Variants in PEAK1 observed in about 807,000 individuals in gnomAD.
PEAK1 encodes inactive tyrosine-protein kinase PEAK1.
PEAK1 carries 54 observed loss-of-function variants against 124.7 expected under a neutral mutation model. That is an observed-to-expected ratio of 0.43 (90% CI 0.35 to 0.54). The LOEUF is 0.54. Ranked by LOEUF, PEAK1 falls within the 20% of genes least tolerant of loss-of-function variation. PEAK1 has a pLI of 0.01. For missense variants in PEAK1, 2,046 were observed against 2,134.5 expected, an observed-to-expected ratio of 0.96 and a Z score of 0.82; for synonymous variants, 719 against 760.0, an observed-to-expected ratio of 0.95 and a Z score of 0.89.
intron 1 of PEAK1, chr15:77,419,582 G>A (rs1305681780): frequency 3.0e-6 from 3 of 985,080 alleles, no homozygotes; most frequent in Admixed American, 6.2e-5. Flanking sequence ...GACCCGGCAG[G>A]AGCCAGAGAA....
chr15:77,383,019 C>CTTTT (rs752564656), intron 1 of PEAK1, among the ~76,000 whole-genome samples: 24 of 130,408 alleles, frequency 1.8e-4, no homozygotes, highest in African/African-American at 3.5e-4. Context: ...TTTGTATCTC[C>CTTTT]TTTTTTTTTT....
intron 2 of PEAK1, chr15:77,336,230 C>CAAAT: frequency 1.0e-6 from 1 of 985,314 alleles, no homozygotes. Context: ...GTTTGCATTC[C>CAAAT]AAGAACCACA....
At chr15:77,370,767 C>G in intron 1 of PEAK1, 1 of 982,846 alleles carries the variant, frequency 1.0e-6, no homozygotes, top group Non-Finnish European at 1.2e-6. Flanking sequence ...CACGGTGACT[C>G]ATGCCTGTAA....
intron 6 of PEAK1, among the ~76,000 whole-genome samples, chr15:77,196,255 C>A (rs888329582): frequency 1.3e-5 from 2 of 152,152 alleles, no homozygotes; most frequent in South Asian, 2.1e-4. Context: ...CAATCCTGCA[C>A]GACAGGTTGC....
intron 4 of PEAK1, among the ~76,000 whole-genome samples, chr15:77,284,283 C>T (rs1241483983): frequency 6.6e-6 from 1 of 152,184 alleles, no homozygotes; most frequent in Non-Finnish European, 1.5e-5. Flanking sequence ...ATGAAGTGAT[C>T]TCTAAAGACT....
chr15:77,181,420 T>C lies in PEAK1; in HGVS notation c.507A>G (p.Glu169=). 6.2e-7 allele frequency: 1 copy of C among 1,614,190 alleles called. No individual in the cohort carries two copies. Among genetic ancestry groups the C allele is most frequent in the African/African-American group, 1.3e-5 (1 of 75,056 alleles). ...CCAAGAATGTTTCTCTGGAGTTTGT[T>C]TCATTTCCTCTTATCTGAGGGGCAG... ...LDTAPQIRGN[E]TNSRETFLGR... is the part of the protein sequence containing the mutation. Residue 169 remains glutamate, a synonymous_variant, in exon 7 of 10, where the codon GAA becomes GAG. Transcript: ENST00000682557.
intron 9 of PEAK1, among the ~76,000 whole-genome samples, chr15:77,123,971 C>T (rs976345211): frequency 2.6e-5 from 4 of 152,166 alleles, no homozygotes; most frequent in Non-Finnish European, 5.9e-5. Context: ...CAATTTGGCT[C>T]TTCTTTCACC....
Position 77,112,905 on chromosome 15 carries a change from C to T in PEAK1, c.*1251G>A, listed in dbSNP as rs1412613255. On this transcript the variant is annotated 3_prime_UTR_variant, in exon 10 of 10. Coordinates refer to ENST00000682557, the MANE Select transcript of PEAK1 (RefSeq NM_001385026.1). The stretch of plus-strand genomic sequence containing the variant: ...CACATGGTGAACAGCTCTCAATCAC[C>T]CACCTCAGCAATCAGAATTCCTGTG... The T allele has an allele frequency of 6.6e-6, 1 of 152,238 alleles. No homozygotes were observed. Among genetic ancestry groups the T allele is most frequent in the Admixed American group, 6.5e-5 (1 of 15,286 alleles). 9.4% of individuals were successfully genotyped at this position (152,238 alleles called of 1,614,324 possible). A position where few individuals can be genotyped will look rare whatever the true frequency, so the allele number is the denominator to read the frequency against.
intron 2 of PEAK1, among the ~76,000 whole-genome samples, chr15:77,356,935 A>T (rs966547702): frequency 6.6e-6 from 1 of 152,240 alleles, no homozygotes; most frequent in Non-Finnish European, 1.5e-5. Flanking sequence ...AGATCTACAT[A>T]TATGGAAAAA....
chr15:77,304,963 G>A (rs186366107), intron 2 of PEAK1, among the ~76,000 whole-genome samples: 9 of 151,990 alleles, frequency 5.9e-5, no homozygotes, highest in Admixed American at 5.2e-4. Context: ...CTGGGCAACA[G>A]AGTGAGACCT....
At chr15:77,333,854 G>C in intron 2 of PEAK1, 1 of 567,816 alleles carries the variant, frequency 1.8e-6, no homozygotes, top group Non-Finnish European at 2.2e-6. Context: ...ACTTCATAAT[G>C]CTACTCCTTC....
At chr15:77,339,115 CT>C (rs398057842) in intron 2 of PEAK1, among the ~76,000 whole-genome samples, 5,724 of 139,148 alleles carry the variant, frequency 0.041, 138 homozygotes, top group African/African-American at 0.083. Flanking sequence ...AATGTTAAGA[CT>C]TTTTTTTTTT....
At chr15:77,306,188 G>A (rs972776982) in intron 2 of PEAK1, among the ~76,000 whole-genome samples, 5 of 152,050 alleles carry the variant, frequency 3.3e-5, no homozygotes, top group Non-Finnish European at 1.5e-5. Flanking sequence ...TCTCTTTTCA[G>A]TCCTGAATTT....
At chr15:77,263,041 T>C (rs1270240469) in intron 5 of PEAK1, among the ~76,000 whole-genome samples, 7 of 152,216 alleles carry the variant, frequency 4.6e-5, no homozygotes, top group Non-Finnish European at 8.8e-5. Context: ...AATAAAGATG[T>C]TCTTTGAAAC....
intron 2 of PEAK1, among the ~76,000 whole-genome samples, chr15:77,305,386 G>T (rs1016066532): frequency 3.9e-5 from 6 of 152,092 alleles, no homozygotes; most frequent in Non-Finnish European, 5.9e-5. Flanking sequence ...AATTTTATTA[G>T]GGGCATGGAA....
chr15:77,124,278 T>C (rs1198597604), intron 9 of PEAK1, among the ~76,000 whole-genome samples: 2 of 152,232 alleles, frequency 1.3e-5, no homozygotes, highest in Non-Finnish European at 2.9e-5. Context: ...ACTCTTCCAT[T>C]ACAATCTCAT....
intron 5 of PEAK1, among the ~76,000 whole-genome samples, chr15:77,275,219 C>T (rs2152958851): frequency 6.6e-6 from 1 of 152,262 alleles, no homozygotes; most frequent in East Asian, 1.9e-4. Flanking sequence ...ACAGCGTGTA[C>T]TTCTAGGGTG....
chr15:77,258,243 G>T (rs1330263648), intron 5 of PEAK1, among the ~76,000 whole-genome samples: 6 of 152,176 alleles, frequency 3.9e-5, no homozygotes, highest in Admixed American at 2.6e-4. Flanking sequence ...CTTTAAAGTA[G>T]TTTTTTCCAA....
intron 6 of PEAK1, among the ~76,000 whole-genome samples, chr15:77,200,818 C>G (rs1361310317): frequency 6.6e-6 from 1 of 151,976 alleles, no homozygotes; most frequent in African/African-American, 2.4e-5. Flanking sequence ...GAAAGATCTT[C>G]CATTAGGGTC....
Sources: allele counts gnomAD v4.1 joint callset (sites outside exome capture counted in the v4.1 genomes callset), GRCh38; gene constraint gnomAD v4.1.1; transcripts MANE v1.5; gene names NCBI Gene and HGNC (gene_info 2026-07-23, HGNC 2026-07-21).